The following RHBDL1 variants were observed in gnomAD, a reference collection of about 807,000 sequenced individuals.
RHBDL1 encodes rhomboid-related protein 1.
Under a neutral mutation model 34.0 loss-of-function variants are expected in RHBDL1, and 21 were observed. The observed-to-expected ratio is 0.62, with a 90% CI of 0.44 to 0.89. The LOEUF (loss-of-function observed/expected upper bound fraction) is 0.89. Ranked by LOEUF, RHBDL1 falls within the 40% of genes least tolerant of loss-of-function variation. The pLI, the probability that RHBDL1 is intolerant of heterozygous loss-of-function variation, is 0.00. For synonymous variants in RHBDL1, 268 were observed against 234.8 expected, an observed-to-expected ratio of 1.14 and a Z score of -1.29; for missense variants, 450 against 530.6, an observed-to-expected ratio of 0.85 and a Z score of 1.49.
chr16:677,758 C>A, intron 7 of RHBDL1, 23 bp from the exon 8 acceptor site: 2 of 1,519,844 alleles, frequency 1.3e-6, no homozygotes, highest in Admixed American at 2.1e-5. Context: ...AGGGCACCTC[C>A]CACCTGCCGC....
chr16:676,190 A>G lies in RHBDL1; in HGVS notation c.40-146A>G. ...GCCCTGCCAGCTCCTGGGATCAAGCAGGGTCCCAGGGAACAGACAGGCACG... is the reference window on the plus strand; with the variant it reads ...GCCCTGCCAGCTCCTGGGATCAAGCGGGGTCCCAGGGAACAGACAGGCACG... On this transcript the variant is annotated intron_variant, in intron 1 of 7. Coordinates refer to ENST00000352681, the MANE Select transcript of RHBDL1 (RefSeq NM_001278720.2). The surrounding 1 kb of genome is among the most constrained non-coding windows in gnomAD (Gnocchi z 6.9). 3.3e-6 allele frequency: 5 copies of G among 1,511,714 alleles called. No homozygotes were observed. The highest frequency in any genetic ancestry group is 4.4e-6 in the Non-Finnish European group (5 of 1,125,914). The allele number at this position is 1,511,714 out of a possible 1,614,324, so 93.6% of individuals were successfully genotyped here.
chr16:676,791 C>G lies in RHBDL1; in HGVS notation c.321C>G (p.Tyr107Ter). 6.2e-7 allele frequency: 1 copy of G among 1,611,090 alleles called. No homozygotes were observed. Among genetic ancestry groups the G allele is most frequent in the Non-Finnish European group, 8.5e-7 (1 of 1,179,578 alleles). ...GTGTCTACAAGCGGTTTGTGCGTTA[C>G]GTGGCCTACGAGATCCTGCCTTGTG... The part of the protein sequence containing the change: ...GLGVYKRFVR[Y>*]VAYEILPCEV... Residue 107 changes from tyrosine to a stop codon, truncating the protein, a stop_gained, in exon 3 of 8, where the codon TAC (tyrosine) becomes TAG (stop). Transcript: ENST00000352681. LOFTEE classifies it high-confidence loss of function. The surrounding 1 kb of genome is among the most constrained non-coding windows in gnomAD (Gnocchi z 6.9).
rs1467902375 is a variant in RHBDL1, at chr16:677,482, G to A, written c.712G>A (p.Asp238Asn). Residue 238 changes from aspartate (D) to asparagine (N), a missense_variant, in exon 6 of 8, where the codon GAC becomes AAC. Transcript: ENST00000352681. ...LAGSLTVSIT[D>N]MRAPVVGGSG... ...AGGCTCCCTAACCGTCTCCATCACC[G>A]ACATGCGGGCCCCGGTGGTGGGAGG... The A allele has an allele frequency of 4.4e-6, 7 of 1,608,316 alleles. No individual in the cohort carries two copies. Among genetic ancestry groups the A allele is most frequent in the South Asian group, 1.1e-5 (1 of 90,896 alleles).
intron 7 of RHBDL1, 38 bp downstream of exon 7, chr16:677,737 A>AGCCTGC (rs1306738475): frequency 6.6e-7 from 1 of 1,522,440 alleles, no homozygotes; most frequent in Non-Finnish European, 8.8e-7. Flanking sequence ...GGGGCCTCTC[A>AGCCTGC]GCCTGCAGCC....
rs765930196 is a variant in RHBDL1 at position 677,992 on chromosome 16, C to G, written c.1062C>G (p.Ala354=). Reference sequence around the variant, plus strand: ...CCTACGGCACCTTCCTGCTCTTCGCCGTCTTCTGGAACGTCTTCGCCTACG... The same window carrying G: ...CCTACGGCACCTTCCTGCTCTTCGCGGTCTTCTGGAACGTCTTCGCCTACG... ...LLAYGTFLLF[A]VFWNVFAYDL... Residue 354 remains alanine, a synonymous_variant, in exon 8 of 8, where the codon GCC becomes GCG. Coordinates refer to ENST00000352681, the MANE Select transcript of RHBDL1 (RefSeq NM_001278720.2). 8 of 1,599,630 alleles carry G rather than the reference C, an allele frequency of 5.0e-6. No individual in the cohort carries two copies. Among genetic ancestry groups the G allele is most frequent in the African/African-American group, 1.3e-5 (1 of 74,988 alleles).
intron 5 of RHBDL1, 22 bp from the exon 6 acceptor site, chr16:677,437 C>T: frequency 1.3e-6 from 2 of 1,586,826 alleles, no homozygotes; most frequent in South Asian, 1.1e-5. Flanking sequence ...GCTGCACCCT[C>T]ACCCGCCGCT....
Position 678,159 on chromosome 16 carries a change from C to T in RHBDL1, c.*107C>T, listed in dbSNP as rs2039586996. The T allele has an allele frequency of 1.4e-6, 2 of 1,406,556 alleles. No homozygotes were observed. The highest frequency in any genetic ancestry group is 1.8e-6 in the Non-Finnish European group (2 of 1,086,860). The allele number at this position is 1,406,556 out of a possible 1,614,324, so 87.1% of individuals were successfully genotyped here. ...ACGGACGTCTCAGGGCTGCTGTGCCCCTTGGGTGTGGGTGGCCTCAAAGGA... is the reference window on the plus strand; with the variant it reads ...ACGGACGTCTCAGGGCTGCTGTGCCTCTTGGGTGTGGGTGGCCTCAAAGGA... On this transcript the variant is annotated 3_prime_UTR_variant, in exon 8 of 8. Coordinates refer to ENST00000352681, the MANE Select transcript of RHBDL1 (RefSeq NM_001278720.2).
chr16:676,765 G>C lies in RHBDL1; in HGVS notation c.295G>C (p.Gly99Arg). The C allele has an allele frequency of 2.5e-6, 4 of 1,611,718 alleles. No individual in the cohort carries two copies. The highest frequency in any genetic ancestry group is 3.4e-6 in the Non-Finnish European group (4 of 1,179,740). ...RDGPLDEPGL[G>R]VYKRFVRYVA... ...CGGGCCGCTGGATGAGCCAGGCCTA[G>C]GTGTCTACAAGCGGTTTGTGCGTTA... The change falls in exon 3 of 8, where the codon GGT becomes CGT. Residue 99 changes from glycine to arginine, a missense_variant. Gly to Arg is a moderately radical substitution (Grantham distance 125). Transcript: ENST00000352681. The surrounding 1 kb of genome is among the most constrained non-coding windows in gnomAD (Gnocchi z 6.9).
In RHBDL1 at chr16:677,881, G is replaced by A. The variant is rs963717991; in HGVS notation, c.951G>A (p.Val317=). The A allele has an allele frequency of 1.3e-6, 2 of 1,599,144 alleles. No homozygotes were observed. The highest frequency in any genetic ancestry group is 1.7e-5 in the Admixed American group (1 of 59,610). ...TCATGGCGCACCTGGCAGGCGCGGT[G>A]GTGGGGGTGAGCATGGGCCTGACCA... ...PSFMAHLAGA[V]VGVSMGLTIL... is the part of the protein sequence containing the mutation. The change falls in exon 8 of 8, where the codon GTG becomes GTA. Residue 317 remains valine, a synonymous_variant. Coordinates refer to ENST00000352681, the MANE Select transcript of RHBDL1 (RefSeq NM_001278720.2).
rs1436736963 is a variant in RHBDL1, at chr16:677,914, G to T, written c.984G>T (p.Arg328=). Residue 328 remains arginine, a synonymous_variant, in exon 8 of 8, where the codon CGG becomes CGT. Coordinates refer to ENST00000352681, the MANE Select transcript of RHBDL1 (RefSeq NM_001278720.2). ...VGVSMGLTIL[R]SYEERLRDQC... ...TGAGCATGGGCCTGACCATCCTGCG[G>T]AGCTACGAGGAGCGCCTGCGGGACC... is the stretch of plus-strand genomic sequence containing the variant. The T allele has an allele frequency of 6.2e-7, 1 of 1,603,022 alleles. No homozygotes were observed. The highest frequency in any genetic ancestry group is 1.7e-5 in the Admixed American group (1 of 59,868).
Position 675,775 on chromosome 16 carries a change from C to T in RHBDL1, c.-16C>T. ...CGCGGCCGCCGACCCCGGACCCCGG[C>T]CCCCGGCCAGGCTCTATGGACAGGA... On this transcript the variant is annotated 5_prime_UTR_variant, in exon 1 of 8. Coordinates refer to ENST00000352681, the MANE Select transcript of RHBDL1 (RefSeq NM_001278720.2). The T allele has an allele frequency of 6.9e-7, 1 of 1,457,492 alleles. No homozygotes were observed. Among genetic ancestry groups the T allele is most frequent in the Non-Finnish European group, 9.1e-7 (1 of 1,104,110 alleles). 90.3% of individuals were successfully genotyped at this position (1,457,492 alleles called of 1,614,324 possible). A position where few individuals can be genotyped will look rare whatever the true frequency, so the allele number is the denominator to read the frequency against.
rs775241526 is a variant in RHBDL1 at position 676,088 on chromosome 16, C to T, written c.40-248C>T. ...CAGCTGGCTGGTCTTGGACCTTGGC[C>T]CTCGCTTTCCAGGATGGGTAGGGTG... On this transcript the variant is annotated intron_variant, in intron 1 of 7. Coordinates refer to ENST00000352681, the MANE Select transcript of RHBDL1 (RefSeq NM_001278720.2). This position sits in a 1 kb window ranked among gnomAD's most constrained non-coding sequence, Gnocchi z 6.9. The T allele has an allele frequency of 3.1e-5, 45 of 1,442,362 alleles. No homozygotes were observed. The highest frequency in any genetic ancestry group is 5.2e-4 in the Middle Eastern group (2 of 3,848). The allele number at this position is 1,442,362 out of a possible 1,614,324, so 89.3% of individuals were successfully genotyped here.
At position 676,248 on chromosome 16, in the gene RHBDL1, GC is replaced by G. The variant is rs1392161367; in HGVS notation, c.40-86del. ...TGTCCCAAAAGTGCTGGGAGCCTGA[GC>G]CTGATGCTCCCAGCCAGCCTGGCCC... is the stretch of plus-strand genomic sequence containing the variant. On this transcript the variant is annotated intron_variant, in intron 1 of 7. Transcript: ENST00000352681. This position sits in a 1 kb window ranked among gnomAD's most constrained non-coding sequence, Gnocchi z 6.9. The G allele has an allele frequency of 1.3e-6, 2 of 1,560,472 alleles. No individual in the cohort carries two copies. The highest frequency in any genetic ancestry group is 3.8e-5 in the Admixed American group (2 of 52,488).
rs561817432 is a variant in RHBDL1, at chr16:676,031, GGGGAGGGAGGGAGGGA to G, written c.39+214_39+229del. The stretch of plus-strand genomic sequence containing the variant: ...TCCTGGCTGGAGAAGGGAGAGTCGG[GGGGAGGGAGGGAGGGA>G]GGGAGGGAGGGCGGGCAGCTGGCTG... On this transcript the variant is annotated intron_variant, in intron 1 of 7. Coordinates refer to ENST00000352681, the MANE Select transcript of RHBDL1 (RefSeq NM_001278720.2). This position sits in a 1 kb window ranked among gnomAD's most constrained non-coding sequence, Gnocchi z 6.9. 129 of 1,388,382 alleles carry G rather than the reference GGGGAGGGAGGGAGGGA, an allele frequency of 9.3e-5. No individual in the cohort carries two copies. Among genetic ancestry groups the G allele is most frequent in the Middle Eastern group, 5.3e-4 (2 of 3,808 alleles). The allele number at this position is 1,388,382 out of a possible 1,614,324, so 86.0% of individuals were successfully genotyped here. A position where few individuals can be genotyped will look rare whatever the true frequency, so the allele number is the denominator to read the frequency against.
At chr16:677,201 A>G (rs2039562256) in intron 4 of RHBDL1, 75 bp from the exon 5 acceptor site, 2 of 1,570,282 alleles carry the variant, frequency 1.3e-6, no homozygotes, top group East Asian at 2.3e-5. Flanking sequence ...AGGTGCGGCA[A>G]CTTGAGGTGA....
Position 676,529 on chromosome 16 carries a change from A to C in RHBDL1, c.201+32A>C. 1 of 1,571,374 alleles carries C rather than the reference A, an allele frequency of 6.4e-7. No homozygotes were observed. The highest frequency in any genetic ancestry group is 2.3e-5 in the East Asian group (1 of 44,276). On this transcript the variant is annotated intron_variant, in intron 2 of 7. Transcript: ENST00000352681. The surrounding 1 kb of genome is among the most constrained non-coding windows in gnomAD (Gnocchi z 6.9). ...GCCACGGTGGGCAGGCGGCAGGGGC[A>C]CGGTGTCCTGGCCAGAGGAGGCGGG... is the stretch of plus-strand genomic sequence containing the variant.
Position 677,578 on chromosome 16 carries a change from G to T in RHBDL1, c.789+19G>T. 2 of 1,606,878 alleles carry T rather than the reference G, an allele frequency of 1.2e-6. No individual in the cohort carries two copies. Among genetic ancestry groups the T allele is most frequent in the Non-Finnish European group, 1.7e-6 (2 of 1,176,940 alleles). On this transcript the variant is annotated intron_variant, in intron 6 of 7. Transcript: ENST00000352681. ...TGTCATGGTAACGGGCCTGCCCGGT[G>T]GGGGGCGTGGGGAGGGGCCCCAGGT...
Position 676,389 on chromosome 16 carries a change from G to C in RHBDL1, c.93G>C (p.Leu31=). The part of the protein sequence containing the change: ...GFIGADTFTG[L]VHSHELPLDP... ...TCGGTGCGGACACCTTCACTGGCCT[G>C]GTGCACAGCCATGAGCTGCCCCTGG... Residue 31 remains leucine (L), a synonymous_variant, in exon 2 of 8, where the codon CTG becomes CTC. Transcript: ENST00000352681. The surrounding 1 kb of genome is among the most constrained non-coding windows in gnomAD (Gnocchi z 6.9). 6.2e-7 allele frequency: 1 copy of C among 1,609,510 alleles called. No homozygotes were observed. Among genetic ancestry groups the C allele is most frequent in the African/African-American group, 1.3e-5 (1 of 74,964 alleles).
In RHBDL1 at chr16:676,475, G is replaced by T; in HGVS notation, c.179G>T (p.Cys60Phe). Reference sequence around the variant, plus strand: ...CAGAGCAACGAGCAGGGCCAGGTCTGCTACCAGGAGCTGGTGGACCTGGTC... The same window carrying T: ...CAGAGCAACGAGCAGGGCCAGGTCTTCTACCAGGAGCTGGTGGACCTGGTC... ...LAQSNEQGQV[C>F]YQELVDLISS... Residue 60 changes from cysteine to phenylalanine, a missense_variant, in exon 2 of 8, where the codon TGC (cysteine) becomes TTC (phenylalanine). By Grantham distance (205) the Cys-to-Phe change is radical. Coordinates refer to ENST00000352681, the MANE Select transcript of RHBDL1 (RefSeq NM_001278720.2). This position sits in a 1 kb window ranked among gnomAD's most constrained non-coding sequence, Gnocchi z 6.9. The T allele has an allele frequency of 6.3e-7, 1 of 1,594,832 alleles. No individual in the cohort carries two copies. Among genetic ancestry groups the T allele is most frequent in the Non-Finnish European group, 8.5e-7 (1 of 1,172,948 alleles).
Sources: gnomAD v4.1 joint callset for allele counts on GRCh38, gnomAD v4.1.1 for gene constraint, Gnocchi (gnomAD v3.1) non-coding constraint, MANE v1.5 for transcripts, NCBI Gene and HGNC (gene_info 2026-07-23, HGNC 2026-07-21) for gene names.